Variants in CDA observed in about 807,000 individuals in gnomAD.
The protein encoded by CDA is cytidine deaminase.
Under a neutral mutation model 15.0 loss-of-function variants are expected in CDA, and 7 were observed. The ratio of observed to expected loss-of-function variants is 0.47; its 90% CI spans 0.26 to 0.87. The LOEUF (loss-of-function observed/expected upper bound fraction) is 0.87. Ranked by LOEUF, CDA falls within the 40% of genes least tolerant of loss-of-function variation. The pLI, the probability that CDA is intolerant of heterozygous loss-of-function variation, is 0.15. For missense variants in CDA, 159 were observed against 182.7 expected, an observed-to-expected ratio of 0.87 and a Z score of 0.75; for synonymous variants, 58 against 73.0, an observed-to-expected ratio of 0.79 and a Z score of 1.05.
At chr1:20,598,116 T>G (rs754179297) in intron 1 of CDA, among the ~76,000 whole-genome samples, 4 of 152,158 alleles carry the variant, frequency 2.6e-5, no homozygotes, top group Non-Finnish European at 5.9e-5. Flanking sequence ...CTTTTCAAAT[T>G]TATTATTTAT....
chr1:20,589,369 C>T, intron 1 of CDA, 86 bp downstream of exon 1: 1 of 1,305,394 alleles, frequency 7.7e-7, no homozygotes, highest in Non-Finnish European at 1.1e-6. Context: ...CGCAGAGGCA[C>T]AGGCAGTGGC....
intron 2 of CDA, among the ~76,000 whole-genome samples, chr1:20,608,183 G>T (rs567476632): frequency 6.6e-6 from 1 of 152,266 alleles, no homozygotes; most frequent in South Asian, 2.1e-4. Flanking sequence ...CTCTTGGCAG[G>T]AACGTTGAGT....
chr1:20,598,273 T>C (rs146193726), intron 1 of CDA, among the ~76,000 whole-genome samples: 104 of 152,286 alleles, frequency 6.8e-4, no homozygotes, highest in Admixed American at 6.7e-3. Flanking sequence ...ACAGTATGGA[T>C]TCTCTCTCTT....
intron 1 of CDA, among the ~76,000 whole-genome samples, chr1:20,599,110 G>A (rs1009437601): frequency 5.9e-5 from 9 of 152,156 alleles, no homozygotes; most frequent in East Asian, 3.9e-4. Flanking sequence ...TTTGAGCAGA[G>A]CCCTGAGTAG....
At chr1:20,608,801 C>G (rs1172701892) in intron 2 of CDA, among the ~76,000 whole-genome samples, 1 of 149,122 alleles carries the variant, frequency 6.7e-6, no homozygotes, top group Admixed American at 6.7e-5. Flanking sequence ...GGGTTCAAAT[C>G]CTGATTCTGC....
intron 1 of CDA, 34 bp downstream of exon 1, chr1:20,589,317 G>A (rs2101171202): frequency 1.2e-6 from 2 of 1,605,910 alleles, no homozygotes; most frequent in East Asian, 2.2e-5. Flanking sequence ...CCCCAGCCCA[G>A]CAGCCTGGGT....
At position 20,589,177 on chromosome 1, in the gene CDA, G is replaced by A. The variant is rs1480215693; in HGVS notation, c.48G>A (p.Gln16=). ...GCACCCTGAAGCCTGAGTGTGTCCAGCAGCTGCTGGTTTGCTCCCAGGAGG... is the reference window on the plus strand; with the variant it reads ...GCACCCTGAAGCCTGAGTGTGTCCAACAGCTGCTGGTTTGCTCCCAGGAGG... ...PACTLKPECV[Q]QLLVCSQEAK... Residue 16 remains glutamine, a synonymous_variant, in exon 1 of 4, where the codon CAG becomes CAA. Transcript: ENST00000375071. 1.2e-6 allele frequency: 2 copies of A among 1,614,120 alleles called. No individual in the cohort carries two copies. Among genetic ancestry groups the A allele is most frequent in the Non-Finnish European group, 1.7e-6 (2 of 1,179,986 alleles).
chr1:20,616,090 C>T (rs1335329114), intron 3 of CDA, among the ~76,000 whole-genome samples: 2 of 152,192 alleles, frequency 1.3e-5, no homozygotes, highest in South Asian at 2.1e-4. Context: ...CCAGTGACCA[C>T]TCTGAGGCTC....
intron 2 of CDA, among the ~76,000 whole-genome samples, chr1:20,609,417 C>T (rs145486625): frequency 0.089 from 13,483 of 152,034 alleles, 639 homozygotes; most frequent in Middle Eastern, 0.12. Flanking sequence ...ACCTGGGAGG[C>T]AGAGCTTGCA....
chr1:20,603,688 T>TG (rs1202043853), intron 1 of CDA, among the ~76,000 whole-genome samples: 1 of 152,166 alleles, frequency 6.6e-6, no homozygotes, highest in Non-Finnish European at 1.5e-5. Context: ...AAATGAATAC[T>TG]GGGGAACAAC....
chr1:20,609,204 G>C (rs1031209161), intron 2 of CDA, among the ~76,000 whole-genome samples: 35 of 152,196 alleles, frequency 2.3e-4, no homozygotes, highest in African/African-American at 8.0e-4. Flanking sequence ...CAGAAAGAAG[G>C]CCGGGCGCAG....
At chr1:20,610,626 A>G (rs1282695418) in intron 2 of CDA, among the ~76,000 whole-genome samples, 1 of 152,170 alleles carries the variant, frequency 6.6e-6, no homozygotes, top group African/African-American at 2.4e-5. Flanking sequence ...ATATAATAAG[A>G]TGAATTATGA....
intron 1 of CDA, among the ~76,000 whole-genome samples, chr1:20,597,858 C>T (rs193176488): frequency 6.7e-6 from 1 of 149,818 alleles, no homozygotes; most frequent in East Asian, 2.0e-4. Flanking sequence ...GGATGCAGTA[C>T]GTGGGCAAAG....
intron 1 of CDA, among the ~76,000 whole-genome samples, chr1:20,599,306 A>C (rs1009659954): frequency 2.0e-5 from 3 of 152,176 alleles, no homozygotes; most frequent in Admixed American, 2.0e-4. Flanking sequence ...ACCAGATCAC[A>C]TATGACCTTG....
chr1:20,591,849 G>GT (rs397966736), intron 1 of CDA, among the ~76,000 whole-genome samples: 9,642 of 118,064 alleles, frequency 0.082, 448 homozygotes, highest in East Asian at 0.24. Context: ...GTTTTTTTTT[G>GT]TTTTTTTTTT....
chr1:20,593,901 TAG>T (rs2052569636), intron 1 of CDA, among the ~76,000 whole-genome samples: 1 of 152,010 alleles, frequency 6.6e-6, no homozygotes, highest in Admixed American at 6.6e-5. Flanking sequence ...ATTACTGAAG[TAG>T]GAAGTGAGGC....
rs2154532378 is a variant in CDA at position 20,604,960 on chromosome 1, G to C, written c.187G>C (p.Gly63Arg). ...CNIENACYPL[G>R]ICAERTAIQK... ...CATAGAAAATGCCTGCTACCCGCTG[G>C]GCATCTGTGCTGAACGGACCGCTAT... Residue 63 changes from glycine to arginine, a missense_variant, in exon 2 of 4, where the codon GGC becomes CGC. Gly to Arg is a moderately radical substitution (Grantham distance 125). Coordinates refer to ENST00000375071, the MANE Select transcript of CDA (RefSeq NM_001785.3). The C allele has an allele frequency of 6.2e-7, 1 of 1,613,722 alleles. No homozygotes were observed. The highest frequency in any genetic ancestry group is 8.5e-7 in the Non-Finnish European group (1 of 1,179,816).
At chr1:20,592,359 C>T (rs982002822) in intron 1 of CDA, among the ~76,000 whole-genome samples, 4 of 152,108 alleles carry the variant, frequency 2.6e-5, no homozygotes, top group Non-Finnish European at 4.4e-5. Flanking sequence ...TTTTCTGCCT[C>T]GTAATAAGAA....
intron 3 of CDA, 85 bp downstream of exon 3, chr1:20,613,984 G>A (rs1377054301): frequency 2.4e-6 from 3 of 1,252,338 alleles, no homozygotes; most frequent in Non-Finnish European, 3.5e-6. Context: ...AGGCATGGCA[G>A]GCATGGCAGG....
Sources: gnomAD v4.1 joint callset for allele counts (sites outside exome capture counted in the v4.1 genomes callset) on GRCh38, gnomAD v4.1.1 for gene constraint, MANE v1.5 for transcripts, NCBI Gene and HGNC (gene_info 2026-07-23, HGNC 2026-07-21) for gene names.